KIF4A: variants seen among roughly 807,000 people sequenced by gnomAD.
The protein encoded by KIF4A is kinesin family member 4A, also known as chromosome-associated kinesin KIF4A.
A neutral mutation model predicts 105.9 loss-of-function variants in KIF4A; 7 were observed. The ratio of observed to expected loss-of-function variants is 0.07; its 90% CI spans 0.04 to 0.12. KIF4A has a LOEUF of 0.12. Among genes scored for constraint, KIF4A ranks in the 10% least tolerant of loss-of-function variants. The pLI, the probability that KIF4A is intolerant of heterozygous loss-of-function variation, is 1.00. For synonymous variants in KIF4A, 281 were observed against 331.3 expected (o/e 0.85, Z 1.65); for missense variants, 558 against 929.2 (o/e 0.60, Z 5.19).
At chrX:70,352,948 G>A (rs920833046) in intron 14 of KIF4A, among the ~76,000 whole-genome samples, 4 of 111,560 alleles carry the variant, frequency 3.6e-5, no homozygotes, top group Non-Finnish European at 5.6e-5. Context: ...TGCATCAACC[G>A]TCCAGCAAGT....
intron 15 of KIF4A, among the ~76,000 whole-genome samples, chrX:70,368,330 G>T (rs1262672827): frequency 8.9e-6 from 1 of 112,062 alleles, no homozygotes; most frequent in African/African-American, 3.2e-5. Context: ...TGCTCTGATT[G>T]TTAGAATTTT....
intron 10 of KIF4A, among the ~76,000 whole-genome samples, chrX:70,339,398 A>G (rs1449304586): frequency 9.0e-6 from 1 of 111,414 alleles, no homozygotes; most frequent in African/African-American, 3.3e-5. Flanking sequence ...TCCTGATTAC[A>G]TTTTATTCTC....
At chrX:70,293,962 C>T (rs953821088) in intron 3 of KIF4A, among the ~76,000 whole-genome samples, 1 of 112,099 alleles carries the variant, frequency 8.9e-6, no homozygotes, top group Admixed American at 9.4e-5. Flanking sequence ...AATTAACCTT[C>T]GCTTATTATA....
intron 15 of KIF4A, among the ~76,000 whole-genome samples, chrX:70,367,147 T>C (rs1431650900): frequency 8.9e-6 from 1 of 111,781 alleles, no homozygotes; most frequent in Admixed American, 9.6e-5. Context: ...TGTGTGTCTC[T>C]GCACGTGAGA....
chrX:70,346,036 G>C (rs180901778), intron 13 of KIF4A, among the ~76,000 whole-genome samples: 1 of 111,451 alleles, frequency 9.0e-6, no homozygotes, highest in Non-Finnish European at 1.9e-5. Flanking sequence ...CCAACTCTGG[G>C]CACACTGCTT....
intron 3 of KIF4A, among the ~76,000 whole-genome samples, chrX:70,292,072 AT>A (rs2085763497): frequency 8.9e-6 from 1 of 112,275 alleles, no homozygotes; most frequent in Non-Finnish European, 1.9e-5. Context: ...CAAGAACAGC[AT>A]AAAAAACATT....
Position 70,390,555 on chromosome X carries a change from TGTTG to T in KIF4A, c.2232+3263_2232+3266del, listed in dbSNP as rs2086234093. Reference sequence around the variant, plus strand: ...TCTGTTTCTGTTGAGATGATCTGACTGTTGGTTGATTGGTCAGTTTTTATTCTGT... The same window carrying T: ...TCTGTTTCTGTTGAGATGATCTGACTGTTGATTGGTCAGTTTTTATTCTGT... On this transcript the variant is annotated intron_variant, in intron 20 of 30. Transcript: ENST00000374403. 3.6e-5 allele frequency among the ~76,000 whole-genome samples: 4 copies of T among 112,013 alleles called. No homozygotes were observed. The South Asian group carries it at 1.1e-3, about 31-fold the overall frequency.
intron 20 of KIF4A, among the ~76,000 whole-genome samples, chrX:70,390,337 A>T (rs183178460): frequency 1.8e-5 from 2 of 111,783 alleles, no homozygotes; most frequent in African/African-American, 3.2e-5. Flanking sequence ...AATATTGAAT[A>T]GACTAGGTGA....
chrX:70,347,275 G>A (rs1271552634), intron 13 of KIF4A, among the ~76,000 whole-genome samples: 2 of 111,714 alleles, frequency 1.8e-5, no homozygotes, highest in African/African-American at 6.5e-5. Flanking sequence ...ATGAAATCAC[G>A]TTTTATTTTT....
chrX:70,411,915 G>A (rs1278163636), intron 28 of KIF4A, among the ~76,000 whole-genome samples: 1 of 109,686 alleles, frequency 9.1e-6, no homozygotes, highest in Non-Finnish European at 1.9e-5. Context: ...AAAAAAAAGA[G>A]TCCCCCTATT....
At position 70,293,839 on chromosome X, in the gene KIF4A, G is replaced by A. The variant is rs753037073; in HGVS notation, c.235+3034G>A. Among the ~76,000 whole-genome samples the A allele has an allele frequency of 2.7e-4, 30 of 112,127 alleles. No individual in the cohort carries two copies. The South Asian group carries it at 0.01, about 39-fold the overall frequency. ...TGCTCTGAGTGAGTCAGTGATGAGT[G>A]GTGAGTGAATGTAAGGGCCTAAAAC... On this transcript the variant is annotated intron_variant, in intron 3 of 30. Coordinates refer to ENST00000374403, the MANE Select transcript of KIF4A (RefSeq NM_012310.5).
intron 10 of KIF4A, among the ~76,000 whole-genome samples, chrX:70,337,328 T>C (rs760671159): frequency 4.1e-4 from 46 of 111,309 alleles, no homozygotes; most frequent in South Asian, 1.5e-3. Context: ...GCCACTGCGC[T>C]TCAGCCTGTG....
At chrX:70,398,679 C>T (rs1336385070) in intron 22 of KIF4A, among the ~76,000 whole-genome samples, 4 of 111,411 alleles carry the variant, frequency 3.6e-5, no homozygotes, top group African/African-American at 1.3e-4. Flanking sequence ...TGACATACTG[C>T]TGACATGTTA....
intron 28 of KIF4A, among the ~76,000 whole-genome samples, chrX:70,412,505 T>G (rs1027573104): frequency 8.9e-6 from 1 of 111,875 alleles, no homozygotes; most frequent in Non-Finnish European, 1.9e-5. Context: ...TAGCAATCAA[T>G]GGATCACTGT....
chrX:70,412,113 A>G (rs2086324663), intron 28 of KIF4A, among the ~76,000 whole-genome samples: 1 of 111,388 alleles, frequency 9.0e-6, no homozygotes, highest in Admixed American at 9.6e-5. Context: ...GGATGAAGTT[A>G]CAGCTCATGT....
rs1232729999 is a variant in KIF4A at position 70,364,558 on chromosome X, C to T, written c.1675-9593C>T. ...CAAAGATCAGATAGTTGTAGATATGCGGCATTATTTCTGAGGGCTCTGTTC... is the reference window on the plus strand; with the variant it reads ...CAAAGATCAGATAGTTGTAGATATGTGGCATTATTTCTGAGGGCTCTGTTC... On this transcript the variant is annotated intron_variant, in intron 15 of 30. Coordinates refer to ENST00000374403, the MANE Select transcript of KIF4A (RefSeq NM_012310.5). Among the ~76,000 whole-genome samples the T allele has an allele frequency of 2.1e-3, 224 of 106,200 alleles. 1 individual carries two copies. Among genetic ancestry groups the T allele is most frequent in the Middle Eastern group, 4.7e-3 (1 of 212 alleles). 92.2% of individuals were successfully genotyped at this position (106,200 alleles called of 115,157 possible). A position where few individuals can be genotyped will look rare whatever the true frequency, so the allele number is the denominator to read the frequency against.
At chrX:70,375,693 A>T (rs1465388592) in intron 17 of KIF4A, among the ~76,000 whole-genome samples, 2 of 111,871 alleles carry the variant, frequency 1.8e-5, no homozygotes, top group Non-Finnish European at 3.8e-5. Flanking sequence ...ACCTAGAGAA[A>T]ATTCTCAGTT....
chrX:70,366,102 T>C lies in KIF4A; in HGVS notation c.1675-8049T>C, dbSNP rs2086101879. Among the ~76,000 whole-genome samples the C allele has an allele frequency of 6.2e-5, 7 of 112,094 alleles. No homozygotes were observed. The South Asian group carries it at 2.6e-3, about 42-fold the overall frequency. The stretch of plus-strand genomic sequence containing the variant: ...ATCGGCGGTGATATCTCCTTTATCA[T>C]TTTTTATTGCGTCCAGTCTATTTGA... On this transcript the variant is annotated intron_variant, in intron 15 of 30. Transcript: ENST00000374403.
intron 10 of KIF4A, among the ~76,000 whole-genome samples, chrX:70,340,403 T>TAAACTTAAATATGATTTTCCC (rs1360114332): frequency 4.5e-5 from 5 of 112,091 alleles, no homozygotes. Flanking sequence ...AATCAACAGT[T>TAAACTTAAATATGATTTTCCC]AAACTTAAAT....
Sources: allele counts gnomAD v4.1 joint callset (sites outside exome capture counted in the v4.1 genomes callset), GRCh38; gene constraint gnomAD v4.1.1; transcripts MANE v1.5; gene names NCBI Gene and HGNC (gene_info 2026-07-23, HGNC 2026-07-21).